Variants in MAST4 observed in about 807,000 individuals in gnomAD.
MAST4 encodes microtubule associated serine/threonine kinase family member 4, also known as microtubule-associated serine/threonine-protein kinase 4.
Under a neutral mutation model 162.7 loss-of-function variants are expected in MAST4, and 89 were observed. That is an observed-to-expected ratio of 0.55 (90% confidence interval 0.46 to 0.65). The LOEUF is 0.65. Ranked by LOEUF, MAST4 falls within the 30% of genes least tolerant of loss-of-function variation. MAST4 has a pLI of 0.00. For synonymous variants in MAST4, 1,479 were observed against 1,361.1 expected, an observed-to-expected ratio of 1.09 and a Z score of -1.91; for missense variants, 3,153 against 3,374.0, an observed-to-expected ratio of 0.93 and a Z score of 1.62.
chr5:66,621,347 T>A (rs1323873019), intron 1 of MAST4, among the ~76,000 whole-genome samples: 1 of 152,226 alleles, frequency 6.6e-6, no homozygotes, highest in Non-Finnish European at 1.5e-5. Flanking sequence ...CATTCTTTTG[T>A]CTCGCAGTGT....
In MAST4 at chr5:67,164,062, A is replaced by G; in HGVS notation, c.4883A>G (p.Glu1628Gly). 4 of 1,568,456 alleles carry G rather than the reference A, an allele frequency of 2.6e-6. No individual in the cohort carries two copies. The highest frequency in any genetic ancestry group is 2.6e-6 in the Non-Finnish European group (3 of 1,156,608). The part of the protein sequence containing the change: ...GAMSDGRVPA[E>G]HRQGGGDFRR... ...ATGTCGGATGGCCGGGTGCCTGCGG[A>G]GCACCGCCAGGGTGGCGGGGACTTC... Residue 1628 changes from glutamate (E) to glycine (G), a missense_variant, in exon 29 of 29, where the codon GAG becomes GGG. Physicochemically the swap from Glu to Gly is moderately conservative, Grantham distance 98. Transcript: ENST00000403625. This position sits in a 1 kb window ranked among gnomAD's most constrained non-coding sequence, Gnocchi z 5.3.
chr5:66,819,495 C>T (rs1231078111), intron 3 of MAST4, among the ~76,000 whole-genome samples: 6 of 152,140 alleles, frequency 3.9e-5, no homozygotes, highest in East Asian at 1.9e-4. Context: ...CTTGCACAGG[C>T]GCTTCAGATC....
Position 67,033,713 on chromosome 5 carries a change from T to TTTTG in MAST4, c.675-20671_675-20668dup, listed in dbSNP as rs569598849. 3.7e-4 allele frequency among the ~76,000 whole-genome samples: 57 copies of TTTTG among 152,088 alleles called. 1 individual carries two copies. The highest frequency in any genetic ancestry group is 5.3e-4 in the Non-Finnish European group (36 of 68,008). ...CGTGGGAAGACAGTCTGCCTGTGGGTTTTGTTTGTTTGTTTGTTTGTTTCT... is the reference window on the plus strand; with the variant it reads ...CGTGGGAAGACAGTCTGCCTGTGGGTTTTGTTTGTTTGTTTGTTTGTTTGTTTCT... On this transcript the variant is annotated intron_variant, in intron 4 of 28. Coordinates refer to ENST00000403625, the MANE Select transcript of MAST4 (RefSeq NM_001164664.2).
intron 4 of MAST4, among the ~76,000 whole-genome samples, chr5:66,900,406 T>C (rs1228884083): frequency 6.6e-6 from 1 of 152,106 alleles, no homozygotes; most frequent in Non-Finnish European, 1.5e-5. Flanking sequence ...CAGTTAAACT[T>C]TCCATTATTA....
rs549312473 is a variant in MAST4, at chr5:67,100,090, G to C, written c.913-345G>C. On this transcript the variant is annotated intron_variant, in intron 7 of 28. Coordinates refer to ENST00000403625, the MANE Select transcript of MAST4 (RefSeq NM_001164664.2). ...AGTAAACTCGGGGGTGCCATGTTCA[G>C]TTGAGAACTAATCTGTGATACAGTG... 6.5e-4 allele frequency among the ~76,000 whole-genome samples: 99 copies of C among 152,272 alleles called. 1 individual carries two copies. The highest frequency in any genetic ancestry group is 3.4e-3 in the Middle Eastern group (1 of 294).
At chr5:67,092,993 T>C (rs1764034159) in intron 6 of MAST4, among the ~76,000 whole-genome samples, 1 of 152,232 alleles carries the variant, frequency 6.6e-6, no homozygotes, top group African/African-American at 2.4e-5. Context: ...ATAGTTCAAC[T>C]TGTTCCAACA....
chr5:66,961,554 G>C (rs1156797155), intron 4 of MAST4, among the ~76,000 whole-genome samples: 1 of 152,174 alleles, frequency 6.6e-6, no homozygotes, highest in Non-Finnish European at 1.5e-5. Context: ...AAATTAATAA[G>C]TTGTTAATTT....
chr5:66,746,298 A>G (rs746963427), intron 1 of MAST4, among the ~76,000 whole-genome samples: 1 of 152,064 alleles, frequency 6.6e-6, no homozygotes, highest in Admixed American at 6.6e-5. Context: ...CAGACTGGGG[A>G]TGTAAGAGGA....
chr5:66,607,165 A>C (rs990279684), intron 1 of MAST4, among the ~76,000 whole-genome samples: 1 of 152,200 alleles, frequency 6.6e-6, no homozygotes, highest in Non-Finnish European at 1.5e-5. Context: ...TCATCTCTGC[A>C]TCCCAGAGCC....
chr5:67,162,164 C>G (rs1442569335), intron 27 of MAST4, among the ~76,000 whole-genome samples: 1 of 152,204 alleles, frequency 6.6e-6, no homozygotes, highest in Non-Finnish European at 1.5e-5. Flanking sequence ...TCATTGGCCT[C>G]TGCCCAGCCT....
At chr5:67,004,451 A>T (rs1268667053) in intron 4 of MAST4, among the ~76,000 whole-genome samples, 1 of 152,236 alleles carries the variant, frequency 6.6e-6, no homozygotes, top group African/African-American at 2.4e-5. Context: ...GGGCAAGAGC[A>T]GCTTTTTCTA....
At chr5:67,154,169 A>C (rs1165897475) in intron 26 of MAST4, among the ~76,000 whole-genome samples, 3 of 152,250 alleles carry the variant, frequency 2.0e-5, no homozygotes, top group Non-Finnish European at 4.4e-5. Context: ...CTATGGAGTA[A>C]GAAGGTCACA....
intron 4 of MAST4, among the ~76,000 whole-genome samples, chr5:67,023,771 A>T (rs772130275): frequency 6.6e-6 from 1 of 152,084 alleles, no homozygotes; most frequent in Non-Finnish European, 1.5e-5. Flanking sequence ...TGTTTGAAAG[A>T]CTGGCAAATG....
intron 4 of MAST4, among the ~76,000 whole-genome samples, chr5:66,900,952 G>A (rs1322554420): frequency 1.3e-5 from 2 of 152,002 alleles, no homozygotes; most frequent in Non-Finnish European, 2.9e-5. Flanking sequence ...TATTATTTTC[G>A]GAGAATGTGC....
intron 12 of MAST4, among the ~76,000 whole-genome samples, chr5:67,116,262 G>A (rs750250436): frequency 5.9e-5 from 9 of 152,142 alleles, no homozygotes; most frequent in Non-Finnish European, 1.3e-4. Flanking sequence ...CTGGAGTGTA[G>A]TGGCATGATC....
intron 3 of MAST4, among the ~76,000 whole-genome samples, chr5:66,820,282 CTG>C (rs1239661035): frequency 6.6e-6 from 1 of 152,142 alleles, no homozygotes; most frequent in African/African-American, 2.4e-5. Flanking sequence ...TTGTAGGAAT[CTG>C]TGTTTCAGAA....
In MAST4 at chr5:66,953,496, G is replaced by T. The variant is rs185697349; in HGVS notation, c.674+53514G>T. The stretch of plus-strand genomic sequence containing the variant: ...ATTCCATATCTAGGTTGCTGTTCCT[G>T]TATGGCATGGAGACCCTGATAATTA... On this transcript the variant is annotated intron_variant, in intron 4 of 28. Transcript: ENST00000403625. 1.6e-3 allele frequency among the ~76,000 whole-genome samples: 243 copies of T among 152,206 alleles called. 1 individual carries two copies. The highest frequency in any genetic ancestry group is 2.4e-3 in the Non-Finnish European group (164 of 68,008).
In MAST4 at chr5:67,153,421, T is replaced by G. The variant is rs1435011616; in HGVS notation, c.3526-37T>G. The G allele has an allele frequency of 1.9e-6, 3 of 1,583,386 alleles. No individual in the cohort carries two copies. In the African/African-American group the frequency reaches 4.0e-5, roughly 21 times the overall value. On this transcript the variant is annotated intron_variant, in intron 25 of 28. Coordinates refer to ENST00000403625, the MANE Select transcript of MAST4 (RefSeq NM_001164664.2). Reference sequence around the variant, plus strand: ...CACAGTAGGTGTTAGAGTAGTCATTTGTTTGCCTACAAATATCCTCTCCTC... The same window carrying G: ...CACAGTAGGTGTTAGAGTAGTCATTGGTTTGCCTACAAATATCCTCTCCTC...
At chr5:66,635,981 C>CAA (rs1250094048) in intron 1 of MAST4, among the ~76,000 whole-genome samples, 4 of 92,494 alleles carry the variant, frequency 4.3e-5, no homozygotes, top group Non-Finnish European at 5.7e-5. Flanking sequence ...TTTTTCGAGA[C>CAA]AGAGTCTTGC....
Sources: allele counts gnomAD v4.1 joint callset (sites outside exome capture counted in the v4.1 genomes callset), GRCh38; gene constraint gnomAD v4.1.1; non-coding constraint Gnocchi (gnomAD v3.1); transcripts MANE v1.5; gene names NCBI Gene and HGNC (gene_info 2026-07-23, HGNC 2026-07-21).